The following ZAN variants were observed in gnomAD, a reference collection of about 807,000 sequenced individuals.
The protein encoded by ZAN is zonadhesin, also known as zonadhesin (gene/pseudogene).
A neutral mutation model predicts 286.2 loss-of-function variants in ZAN; 260 were observed. That is an observed-to-expected ratio of 0.91 (90% CI 0.82 to 1.01). The LOEUF (loss-of-function observed/expected upper bound fraction) is 1.01. Ranked by LOEUF, ZAN falls within the 50% of genes least tolerant of loss-of-function variation. The pLI is 0.00. For synonymous variants in ZAN, 1,368 were observed against 1,417.5 expected, an observed-to-expected ratio of 0.97 and a Z score of 0.79; for missense variants, 3,410 against 3,639.2, an observed-to-expected ratio of 0.94 and a Z score of 1.62.
chr7:100,748,176 G>C lies in ZAN; in HGVS notation c.1063G>C (p.Ala355Pro). ...CGTTTTTGGAAAGACCCCAGAGCCA[G>C]CTGTGGCAGTTGATGCAACCAGCAT... ...VGVFGKTPEP[A>P]VAVDATSIAP... The change falls in exon 10 of 48, where the codon GCT (alanine) becomes CCT (proline). Residue 355 changes from alanine to proline, a missense_variant. This residue lies in a region of ZAN where 872 missense variants were observed against 938.9 expected (regional missense o/e 0.93). Transcript: ENST00000613979. 1 of 1,613,906 alleles carries C rather than the reference G, an allele frequency of 6.2e-7. No individual in the cohort carries two copies. Among genetic ancestry groups the C allele is most frequent in the East Asian group, 2.2e-5 (1 of 44,868 alleles).
At chr7:100,786,188 A>AGGGCGG in intron 37 of ZAN, 47 bp downstream of exon 37, 1 of 1,608,076 alleles carries the variant, frequency 6.2e-7, no homozygotes, top group Non-Finnish European at 8.5e-7. Context: ...ACCTGTGGCC[A>AGGGCGG]GGGCGGAGGT....
chr7:100,755,205 C>G lies in ZAN; in HGVS notation c.3125-21C>G, dbSNP rs778500676. On this transcript the variant is annotated intron_variant, in intron 14 of 47. Transcript: ENST00000613979. ...AGAAAGCCATGGAATGAAAGCATGA[C>G]AGAGGCTGTTTTCCCCTTAGAGCGC... The G allele has an allele frequency of 5.6e-6, 9 of 1,598,224 alleles. No homozygotes were observed. In the African/African-American group the frequency reaches 1.2e-4, roughly 21 times the overall value.
chr7:100,749,723 CAT>C (rs1421124879), intron 11 of ZAN, among the ~76,000 whole-genome samples: 8 of 137,184 alleles, frequency 5.8e-5, no homozygotes, highest in Non-Finnish European at 7.7e-5. Flanking sequence ...CACACACACA[CAT>C]ATATATATAT....
intron 31 of ZAN, 90 bp from the exon 32 acceptor site, chr7:100,775,238 G>T (rs1810669509): frequency 1.8e-5 from 27 of 1,500,282 alleles, no homozygotes; most frequent in Non-Finnish European, 2.3e-5. Flanking sequence ...ACTCTTTTCT[G>T]GAAGGCAGGG....
chr7:100,785,366 G>A (rs1345890422), intron 36 of ZAN, among the ~76,000 whole-genome samples: 3 of 151,820 alleles, frequency 2.0e-5, no homozygotes, highest in Non-Finnish European at 4.4e-5. Flanking sequence ...GTGTAGCTGG[G>A]ATTACAGGCA....
At chr7:100,772,818 A>C (rs314297) in intron 29 of ZAN, among the ~76,000 whole-genome samples, 138,715 of 149,278 alleles carry the variant, frequency 0.93, 64,460 homozygotes, top group Middle Eastern at 0.97. Flanking sequence ...GAGACTGTCT[A>C]CAAGAAAAAA....
intron 23 of ZAN, among the ~76,000 whole-genome samples, chr7:100,766,068 C>A (rs189328869): frequency 8.6e-5 from 13 of 151,886 alleles, no homozygotes; most frequent in African/African-American, 2.7e-4. Context: ...CTCACTGCAA[C>A]CTCCGCCTCC....
intron 27 of ZAN, 51 bp downstream of exon 27, chr7:100,768,772 G>T: frequency 6.8e-7 from 1 of 1,471,212 alleles, no homozygotes; most frequent in South Asian, 1.3e-5. Flanking sequence ...CCTGGGAAGG[G>T]CCTCGGGGGG....
In ZAN at chr7:100,768,682, T is replaced by C. The variant is rs1249279436; in HGVS notation, c.5114T>C (p.Leu1705Pro). 1 of 1,608,248 alleles carries C rather than the reference T, an allele frequency of 6.2e-7. No homozygotes were observed. Among genetic ancestry groups the C allele is most frequent in the Non-Finnish European group, 8.5e-7 (1 of 1,177,458 alleles). ...DRKLAGDSMQ[L>P]GAAWKLPESS... ...AAGCTTGCAGGCGATTCCATGCAGC[T>C]GGGGGCCGCCTGGAAGTTACCTGAA... is the stretch of plus-strand genomic sequence containing the variant. Residue 1705 changes from leucine to proline, a missense_variant, in exon 27 of 48, where the codon CTG (leucine) becomes CCG (proline). Leu to Pro is a moderately conservative substitution (Grantham distance 98). Coordinates refer to ENST00000613979, the MANE Select transcript of ZAN (RefSeq NM_003386.3).
chr7:100,733,708 G>C (rs1807104702), intron 1 of ZAN, 60 bp downstream of exon 1: 1 of 144,124 alleles, frequency 6.9e-6, no homozygotes, highest in South Asian at 2.1e-4. Flanking sequence ...ACCCCTGATA[G>C]TCTGAAGTCC....
At position 100,746,689 on chromosome 7, in the gene ZAN, T is replaced by A. The variant is rs1193866090; in HGVS notation, c.918T>A (p.Tyr306Ter). 4.3e-6 allele frequency: 7 copies of A among 1,613,848 alleles called. No homozygotes were observed. The African/African-American group carries it at 8.0e-5, about 18-fold the overall frequency. Residue 306 changes from tyrosine (Y) to a stop codon, truncating the protein, a stop_gained, in exon 8 of 48, where the codon TAT becomes TAA. Coordinates refer to ENST00000613979, the MANE Select transcript of ZAN (RefSeq NM_003386.3). LOFTEE classifies it high-confidence loss of function. ...CTCCTGGTGCAGCCCTCCACATTTA[T>A]GCTTCAGTCTTGGGTTAGAGCGGAG... ...GQSPGAALHI[Y>*]ASVLGSIRKH... is the part of the protein sequence containing the mutation.
chr7:100,758,168 T>C, intron 15 of ZAN, 34 bp from the exon 16 acceptor site: 1 of 1,595,634 alleles, frequency 6.3e-7, no homozygotes, highest in East Asian at 2.2e-5. Flanking sequence ...CTAGGAGCTA[T>C]ATGACTGTGT....
At chr7:100,783,801 CACACATATATATATACATAT>C (rs1811373840) in intron 35 of ZAN, among the ~76,000 whole-genome samples, 1 of 12,036 alleles carries the variant, frequency 8.3e-5, no homozygotes, top group African/African-American at 1.3e-4. Context: ...TATATATATA[CACACATATATATATACATAT>C]ATATATATGT....
intron 17 of ZAN, 141 bp downstream of exon 17, chr7:100,758,791 G>A: frequency 7.3e-7 from 1 of 1,372,788 alleles, no homozygotes. Context: ...TCTGTAAGGT[G>A]AGGGTTGAAG....
At position 100,752,743 on chromosome 7, in the gene ZAN, A is replaced by G. The variant is rs747412139; in HGVS notation, c.2638A>G (p.Ile880Val). ...KLTIPTEKLT[I>V]PTEKPTIPIE... ...CACCATCCCCACGGAAAAACTCACC[A>G]TCCCCACGGAAAAACCCACCATCCC... The change falls in exon 14 of 48, where the codon ATC becomes GTC. Residue 880 changes from isoleucine to valine, a missense_variant. Coordinates refer to ENST00000613979, the MANE Select transcript of ZAN (RefSeq NM_003386.3). The G allele has an allele frequency of 1.3e-6, 2 of 1,540,052 alleles. No homozygotes were observed. The highest frequency in any genetic ancestry group is 1.2e-5 in the South Asian group (1 of 84,560).
intron 26 of ZAN, 42 bp downstream of exon 26, chr7:100,768,053 G>A (rs751284046): frequency 7.0e-6 from 11 of 1,582,498 alleles, no homozygotes; most frequent in Non-Finnish European, 9.4e-6. Flanking sequence ...GGGACAATGA[G>A]TAGGCGTGTG....
At chr7:100,737,140 G>T (rs1389713126) in intron 5 of ZAN, 60 bp downstream of exon 5, 1 of 1,456,276 alleles carries the variant, frequency 6.9e-7, no homozygotes, top group East Asian at 2.5e-5. Context: ...GAGAGCCTGA[G>T]GGTGGGGGTG....
intron 31 of ZAN, among the ~76,000 whole-genome samples, chr7:100,774,102 C>T (rs1301453890): frequency 6.6e-6 from 1 of 152,138 alleles, no homozygotes; most frequent in Non-Finnish European, 1.5e-5. Context: ...TAAATCCTTC[C>T]CTGGGGCCAG....
At chr7:100,733,809 C>T (rs1357236177) in intron 1 of ZAN, among the ~76,000 whole-genome samples, 161 bp downstream of exon 1, 7 of 141,218 alleles carry the variant, frequency 5.0e-5, no homozygotes, top group East Asian at 4.0e-4. Context: ...TTTTCTTGTG[C>T]GTTTTTCTTT....
Sources: allele counts gnomAD v4.1 joint callset (sites outside exome capture counted in the v4.1 genomes callset), GRCh38; gene constraint gnomAD v4.1.1; regional missense constraint gnomAD v4.1.1; transcripts MANE v1.5; gene names NCBI Gene and HGNC (gene_info 2026-07-23, HGNC 2026-07-21).